STAU1: variants seen among roughly 807,000 people sequenced by gnomAD.
STAU1 encodes the protein staufen double-stranded RNA binding protein 1.
Under a neutral mutation model 62.9 loss-of-function variants are expected in STAU1, and 13 were observed. The observed-to-expected ratio is 0.21, with a 90% CI of 0.13 to 0.33. The LOEUF is 0.33. Among genes scored for constraint, STAU1 ranks in the 10% least tolerant of loss-of-function variants. STAU1 has a pLI of 1.00. For missense variants in STAU1, 571 were observed against 712.1 expected (o/e 0.80, Z 2.25); for synonymous variants, 269 against 265.1 (o/e 1.01, Z -0.14).
chr20:49,114,705 C>T lies in STAU1; in HGVS notation c.*173G>A, dbSNP rs561202562. 3.1e-5 allele frequency: 21 copies of T among 675,440 alleles called. No homozygotes were observed. Among genetic ancestry groups the T allele is most frequent in the South Asian group, 2.5e-4 (14 of 55,060 alleles). 41.8% of individuals were successfully genotyped at this position (675,440 alleles called of 1,614,324 possible). On this transcript the variant is annotated 3_prime_UTR_variant, in exon 14 of 14. Transcript: ENST00000371856. ...CAACAAACCCCAGCACAGTCCAGCCCGGCCACAGCCGCCTCCTTGTGTTTC... is the reference window on the plus strand; with the variant it reads ...CAACAAACCCCAGCACAGTCCAGCCTGGCCACAGCCGCCTCCTTGTGTTTC...
chr20:49,125,476 T>C (rs1182858897), intron 6 of STAU1, among the ~76,000 whole-genome samples: 1 of 130,834 alleles, frequency 7.6e-6, no homozygotes, highest in Non-Finnish European at 1.6e-5. Context: ...GTTGCAGTGA[T>C]CCAAGATCAC....
intron 1 of STAU1, among the ~76,000 whole-genome samples, chr20:49,180,107 G>A (rs2093704903): frequency 6.6e-6 from 1 of 152,176 alleles, no homozygotes. Flanking sequence ...TGTTCAGGAA[G>A]CAGTTCAATT....
intron 5 of STAU1, among the ~76,000 whole-genome samples, chr20:49,145,847 A>G (rs556308292): frequency 6.1e-4 from 92 of 151,634 alleles, no homozygotes; most frequent in Non-Finnish European, 1.0e-3. Context: ...TACTATGATC[A>G]TGTCTGTGTA....
intron 2 of STAU1, among the ~76,000 whole-genome samples, chr20:49,172,059 AG>A (rs1330314078): frequency 1.3e-5 from 2 of 152,210 alleles, no homozygotes; most frequent in Non-Finnish European, 2.9e-5. Context: ...CAGGCTGTTC[AG>A]GATCTTTGCA....
chr20:49,197,256 A>G, the STAU1 span, among the ~76,000 whole-genome samples: 40,752 of 148,334 alleles, frequency 0.27, 6,300 homozygotes, highest in East Asian at 0.53. Context: ...AATGATCAGT[A>G]GTTAAGAAAA....
Position 49,124,382 on chromosome 20 carries a change from A to G in STAU1, c.815T>C (p.Ile272Thr), listed in dbSNP as rs776421948. Reference sequence around the variant, plus strand: ...GTTCAGAAAAGTTCTCACCTTGACTATGGGTTTTGTTTTCTTTTTGATTCT... The same window carrying G: ...GTTCAGAAAAGTTCTCACCTTGACTGTGGGTTTTGTTTTCTTTTTGATTCT... ...KPRIKKKTKP[I>T]VKPQTSPEYG... The change falls in exon 7 of 14, where the codon ATA (isoleucine) becomes ACA (threonine). Residue 272 changes from isoleucine to threonine, a missense_variant. By Grantham distance (89) the Ile-to-Thr change is moderately conservative. Around this residue, in one of 3 missense-constraint regions of STAU1, gnomAD observed 414 missense variants for 499.6 expected, o/e 0.83. Transcript: ENST00000371856. The G allele has an allele frequency of 1.9e-6, 3 of 1,613,762 alleles. No homozygotes were observed. Among genetic ancestry groups the G allele is most frequent in the Middle Eastern group, 1.7e-4 (1 of 6,060 alleles).
intron 1 of STAU1, among the ~76,000 whole-genome samples, chr20:49,174,633 T>C (rs2093636479): frequency 6.7e-6 from 1 of 149,454 alleles, no homozygotes; most frequent in Admixed American, 6.7e-5. Context: ...AGGTGGGAAA[T>C]TACGAGGTTA....
chr20:49,134,840 G>A, intron 6 of STAU1: 1 of 1,537,314 alleles, frequency 6.5e-7, no homozygotes, highest in East Asian at 2.3e-5. Flanking sequence ...TACCAAACCT[G>A]CAAACAAACA....
chr20:49,208,162 C>T, the STAU1 span, among the ~76,000 whole-genome samples: 1 of 152,162 alleles, frequency 6.6e-6, no homozygotes, highest in Non-Finnish European at 1.5e-5. Context: ...TGGGTTCAAG[C>T]GATTCTCCTG....
chr20:49,166,397 T>C (rs1257322908), intron 2 of STAU1, 112 bp from the exon 3 acceptor site: 9 of 580,826 alleles, frequency 1.5e-5, no homozygotes, highest in Non-Finnish European at 2.8e-5. Flanking sequence ...TAGCTCCATT[T>C]AGCATGTAGC....
intron 2 of STAU1, among the ~76,000 whole-genome samples, chr20:49,170,196 C>G (rs959315854): frequency 9.2e-5 from 14 of 152,214 alleles, no homozygotes; most frequent in African/African-American, 3.4e-4. Context: ...ATTTAATATA[C>G]AAGAAGGCAG....
rs546943371 is a variant in STAU1, at chr20:49,114,834, G to A, written c.*44C>T. The A allele has an allele frequency of 9.1e-5, 146 of 1,601,218 alleles. No homozygotes were observed. The highest frequency in any genetic ancestry group is 6.8e-4 in the Middle Eastern group (4 of 5,886). ...TTTCAAAGCAGTTTCAGTATTTTCAGTATATATGTTGGGATTTTATAATGG... is the reference window on the plus strand; with the variant it reads ...TTTCAAAGCAGTTTCAGTATTTTCAATATATATGTTGGGATTTTATAATGG... On this transcript the variant is annotated 3_prime_UTR_variant, in exon 14 of 14. Coordinates refer to ENST00000371856, the MANE Select transcript of STAU1 (RefSeq NM_017453.4).
At chr20:49,121,419 C>G (rs969744855) in intron 8 of STAU1, among the ~76,000 whole-genome samples, 3 of 151,932 alleles carry the variant, frequency 2.0e-5, no homozygotes, top group Non-Finnish European at 4.4e-5. Context: ...CCCCTCTACC[C>G]CAAAAAAAAT....
chr20:49,216,336 G>A, the STAU1 span, among the ~76,000 whole-genome samples: 9 of 152,004 alleles, frequency 5.9e-5, no homozygotes, highest in African/African-American at 2.2e-4. Flanking sequence ...GACCAACCTG[G>A]CTAACATGGT....
At chr20:49,191,325 T>G (rs1314797197), upstream of STAU1, among the ~76,000 whole-genome samples, 1 of 152,034 alleles carries the variant, frequency 6.6e-6, no homozygotes, top group Non-Finnish European at 1.5e-5. Flanking sequence ...TAACCTCTGA[T>G]GAATTATCTG....
chr20:49,123,050 C>G, intron 8 of STAU1, 42 bp downstream of exon 8: 1 of 1,532,318 alleles, frequency 6.5e-7, no homozygotes, highest in Non-Finnish European at 8.8e-7. Flanking sequence ...CAAGGCTGGA[C>G]GTGGTCAGAG....
intron 1 of STAU1, among the ~76,000 whole-genome samples, chr20:49,182,440 G>A (rs2093736231): frequency 6.6e-6 from 1 of 152,226 alleles, no homozygotes; most frequent in Non-Finnish European, 1.5e-5. Context: ...GATCAACACA[G>A]CTATATATTT....
At chr20:49,123,300 G>A in intron 7 of STAU1, 65 bp from the exon 8 acceptor site, 1 of 1,610,242 alleles carries the variant, frequency 6.2e-7, no homozygotes, top group Non-Finnish European at 8.5e-7. Flanking sequence ...TCAACTCAGA[G>A]ATCAGGATAT....
chr20:49,217,246 C>G, the STAU1 span, among the ~76,000 whole-genome samples: 1 of 152,012 alleles, frequency 6.6e-6, no homozygotes, highest in South Asian at 2.1e-4. Flanking sequence ...AGAACAAGAC[C>G]CAAGTTCCCG....
Sources: allele counts gnomAD v4.1 joint callset (sites outside exome capture counted in the v4.1 genomes callset), GRCh38; gene constraint gnomAD v4.1.1; regional missense constraint gnomAD v4.1.1; transcripts MANE v1.5; gene names NCBI Gene and HGNC (gene_info 2026-07-23, HGNC 2026-07-21).